Variants in NRAP observed in about 807,000 individuals in gnomAD.
NRAP encodes nebulin related anchoring protein.
A neutral mutation model predicts 225.9 loss-of-function variants in NRAP; 189 were observed. The ratio of observed to expected loss-of-function variants is 0.84; its 90% confidence interval spans 0.74 to 0.94. The LOEUF (loss-of-function observed/expected upper bound fraction) is 0.94, where lower values mean the gene tolerates loss of function less well. Among genes scored for constraint, NRAP ranks in the 40% least tolerant of loss-of-function variants. The pLI is 0.00. For missense variants in NRAP, 2,176 were observed against 2,168.7 expected (o/e 1.00, Z -0.07); for synonymous variants, 769 against 790.7 (o/e 0.97, Z 0.46).
chr10:113,589,233 G>C (rs1449154983), intron 41 of NRAP, 154 bp from the exon 42 acceptor site: 1 of 615,946 alleles, frequency 1.6e-6, no homozygotes, highest in Non-Finnish European at 2.8e-6. Flanking sequence ...CCAAGAAAAA[G>C]GGCCTTCAAG....
intron 19 of NRAP, 29 bp from the exon 20 acceptor site, chr10:113,629,050 T>C (rs766471031): frequency 6.8e-6 from 10 of 1,474,404 alleles, no homozygotes; most frequent in African/African-American, 1.4e-5. Flanking sequence ...AAAGCTCTCA[T>C]TGGGCGCATG....
intron 25 of NRAP, among the ~76,000 whole-genome samples, 174 bp downstream of exon 25, chr10:113,620,430 T>A (rs1847917664): frequency 6.6e-6 from 1 of 152,178 alleles, no homozygotes; most frequent in Non-Finnish European, 1.5e-5. Flanking sequence ...CCCCTACTGG[T>A]GTGTGTTTCG....
At position 113,589,036 on chromosome 10, in the gene NRAP, T is replaced by C. The variant is rs1449777148; in HGVS notation, c.5132A>G (p.Glu1711Gly). The C allele has an allele frequency of 6.2e-7, 1 of 1,613,906 alleles. No individual in the cohort carries two copies. Among genetic ancestry groups the C allele is most frequent in the Non-Finnish European group, 8.5e-7 (1 of 1,179,986 alleles). Reference sequence around the variant, plus strand: ...AATCTCAGTGGCATCTGGGTTCACCTCCCCACTCTGATGATCTCCAGCCTC... The same window carrying C: ...AATCTCAGTGGCATCTGGGTTCACCCCCCCACTCTGATGATCTCCAGCCTC... ...AVEAGDHQSG[E>G]VNPDATEILH... Residue 1711 changes from glutamate to glycine, a missense_variant, in exon 42 of 42, where the codon GAG becomes GGG. Transcript: ENST00000359988.
chr10:113,638,326 T>C (rs1246061020), intron 14 of NRAP, among the ~76,000 whole-genome samples: 1 of 152,230 alleles, frequency 6.6e-6, no homozygotes, highest in Non-Finnish European at 1.5e-5. Context: ...GTCTACATTT[T>C]GAAGGTTTTT....
chr10:113,602,973 C>G (rs989260721), intron 35 of NRAP, among the ~76,000 whole-genome samples: 3 of 152,186 alleles, frequency 2.0e-5, no homozygotes, highest in African/African-American at 7.2e-5. Context: ...ACTAAATATC[C>G]TGAAATGCAC....
chr10:113,604,253 A>C (rs897942388), intron 35 of NRAP, among the ~76,000 whole-genome samples: 10 of 152,156 alleles, frequency 6.6e-5, no homozygotes, highest in African/African-American at 2.4e-4. Context: ...AATAGCTGGG[A>C]CTACAGGTGC....
chr10:113,614,061 C>T (rs975501455), intron 29 of NRAP, 122 bp downstream of exon 29: 15 of 704,488 alleles, frequency 2.1e-5, no homozygotes, highest in African/African-American at 8.8e-5. Flanking sequence ...AACAATGTCA[C>T]GTAGCAAGTT....
chr10:113,598,217 T>G, intron 35 of NRAP, 144 bp from the exon 36 acceptor site: 1 of 668,966 alleles, frequency 1.5e-6, no homozygotes, highest in Non-Finnish European at 2.8e-6. Context: ...ACATTCTGCA[T>G]GTCGTCAAGT....
chr10:113,641,318 G>T, intron 13 of NRAP, 47 bp downstream of exon 13: 4 of 1,129,312 alleles, frequency 3.5e-6, no homozygotes, highest in Non-Finnish European at 5.3e-6. Context: ...AATTCTTCAT[G>T]CCCTGCCCCA....
At chr10:113,630,314 C>T (rs1025642177) in intron 18 of NRAP, among the ~76,000 whole-genome samples, 1 of 151,790 alleles carries the variant, frequency 6.6e-6, no homozygotes, top group African/African-American at 2.4e-5. Flanking sequence ...AATGGTGGTT[C>T]GGTGGTGATG....
At chr10:113,590,066 G>A (rs1845868067) in intron 40 of NRAP, among the ~76,000 whole-genome samples, 1 of 152,046 alleles carries the variant, frequency 6.6e-6, no homozygotes, top group Non-Finnish European at 1.5e-5. Context: ...GTGGGGTAGT[G>A]ACACCTGCTC....
rs756796323 is a variant in NRAP, at chr10:113,604,743, G to A, written c.4093C>T (p.His1365Tyr). The A allele has an allele frequency of 6.2e-7, 1 of 1,614,198 alleles. No homozygotes were observed. The highest frequency in any genetic ancestry group is 1.1e-5 in the South Asian group (1 of 91,086). ...AQFHLPMDMV[H>Y]LVHAKNAQAL... ...TGGGCATTCTTGGCATGGACCAGGTGCACCATGTCCATGGGCAGATGGAAC... is the reference window on the plus strand; with the variant it reads ...TGGGCATTCTTGGCATGGACCAGGTACACCATGTCCATGGGCAGATGGAAC... The change falls in exon 35 of 42, where the codon CAC (histidine) becomes TAC (tyrosine). Residue 1365 changes from histidine (H) to tyrosine (Y), a missense_variant. By Grantham distance (83) the His-to-Tyr change is moderately conservative. Around this residue, in one of 3 missense-constraint regions of NRAP, gnomAD observed 1,708 missense variants for 1,695.5 expected, o/e 1.01. Coordinates refer to ENST00000359988, the MANE Select transcript of NRAP (RefSeq NM_198060.4).
chr10:113,606,429 G>T, intron 32 of NRAP, 147 bp from the exon 33 acceptor site: 1 of 598,278 alleles, frequency 1.7e-6, no homozygotes, highest in Non-Finnish European at 2.9e-6. Context: ...TCTTGGGGAA[G>T]ATGTTTATTT....
At position 113,632,246 on chromosome 10, in the gene NRAP, G is replaced by A. The variant is rs187090893; in HGVS notation, c.1633-282C>T. ...TGACCTTGGCCAATAACCTCTTGGG[G>A]CCTCAATCTCCTATTTGCAAAGAGT... On this transcript the variant is annotated intron_variant, in intron 16 of 41. Transcript: ENST00000359988. Among the ~76,000 whole-genome samples, 5 of 152,274 alleles carry A rather than the reference G, an allele frequency of 3.3e-5. No individual in the cohort carries two copies. The East Asian group carries it at 7.7e-4, about 24-fold the overall frequency.
At chr10:113,601,371 T>A (rs1368453547) in intron 35 of NRAP, among the ~76,000 whole-genome samples, 1 of 152,214 alleles carries the variant, frequency 6.6e-6, no homozygotes, top group East Asian at 1.9e-4. Flanking sequence ...TGTTTCCTTT[T>A]TTGCATAATA....
intron 9 of NRAP, among the ~76,000 whole-genome samples, chr10:113,649,372 T>A (rs963247974): frequency 1.3e-5 from 2 of 152,242 alleles, no homozygotes; most frequent in African/African-American, 4.8e-5. Flanking sequence ...ATTCTTCCAA[T>A]ACACACACTT....
chr10:113,660,835 G>C (rs1468243003), intron 3 of NRAP, among the ~76,000 whole-genome samples: 1 of 152,182 alleles, frequency 6.6e-6, no homozygotes, highest in Non-Finnish European at 1.5e-5. Context: ...ATATGAAAGA[G>C]AGCCACTAAT....
At chr10:113,634,895 G>A (rs951203114) in intron 14 of NRAP, among the ~76,000 whole-genome samples, 8 of 152,116 alleles carry the variant, frequency 5.3e-5, no homozygotes, top group African/African-American at 1.2e-4. Flanking sequence ...GAGCATCAGC[G>A]ACTCCTTGTA....
intron 3 of NRAP, among the ~76,000 whole-genome samples, chr10:113,660,946 C>T (rs1850636367): frequency 6.6e-6 from 1 of 152,066 alleles, no homozygotes; most frequent in South Asian, 2.1e-4. Flanking sequence ...TCAACTATAA[C>T]ACAATAATAT....
Sources: gnomAD v4.1 joint callset for allele counts (sites outside exome capture counted in the v4.1 genomes callset) on GRCh38, gnomAD v4.1.1 for gene constraint, gnomAD v4.1.1 regional missense constraint, MANE v1.5 for transcripts, NCBI Gene and HGNC (gene_info 2026-07-23, HGNC 2026-07-21) for gene names.